Variants in CUBN observed in about 807,000 individuals in gnomAD.
CUBN encodes the protein 460 kDa receptor.
In CUBN, 282 loss-of-function variants were observed where a neutral mutation model predicts 405.3. The observed-to-expected ratio is 0.70, with a 90% CI of 0.63 to 0.77. The LOEUF (loss-of-function observed/expected upper bound fraction) is 0.77, where lower values mean the gene tolerates loss of function less well. CUBN is among the 30% of genes least tolerant of loss of function. The pLI, the probability that CUBN is intolerant of heterozygous loss-of-function variation, is 0.00. For missense variants in CUBN, 4,514 were observed against 4,475.2 expected, an observed-to-expected ratio of 1.01 and a Z score of -0.25; for synonymous variants, 1,684 against 1,617.0, an observed-to-expected ratio of 1.04 and a Z score of -0.99.
chr10:17,008,231 C>CAT (rs1564475305), intron 28 of CUBN, among the ~76,000 whole-genome samples: 1 of 102,176 alleles, frequency 9.8e-6, no homozygotes, highest in Non-Finnish European at 2.0e-5. Flanking sequence ...AGTCCCTGCC[C>CAT]GTGTGTGGTG....
At chr10:16,955,149 T>C (rs1192102748) in intron 31 of CUBN, among the ~76,000 whole-genome samples, 1 of 151,920 alleles carries the variant, frequency 6.6e-6, no homozygotes, top group Non-Finnish European at 1.5e-5. Context: ...GGCGGGTGGA[T>C]CACCTGAGGT....
intron 10 of CUBN, among the ~76,000 whole-genome samples, chr10:17,106,402 G>C (rs939484596): frequency 5.3e-5 from 8 of 151,832 alleles, no homozygotes; most frequent in African/African-American, 1.7e-4. Flanking sequence ...AGGAGTTTGA[G>C]ACCAGCCTGG....
intron 31 of CUBN, among the ~76,000 whole-genome samples, chr10:16,981,760 C>G (rs1030437557): frequency 6.6e-6 from 1 of 152,140 alleles, no homozygotes; most frequent in Non-Finnish European, 1.5e-5. Flanking sequence ...GGCAGCCAAG[C>G]AAATAAGCCA....
intron 27 of CUBN, chr10:17,023,558 C>T: frequency 2.2e-6 from 1 of 455,170 alleles, no homozygotes; most frequent in Non-Finnish European, 4.4e-6. Context: ...TACAGGTTAC[C>T]ATGGAAAGCC....
At position 17,068,212 on chromosome 10, in the gene CUBN, G is replaced by T. The variant is rs766733151; in HGVS notation, c.2860C>A (p.His954Asn). 1.9e-6 allele frequency: 3 copies of T among 1,613,728 alleles called. No homozygotes were observed. Among genetic ancestry groups the T allele is most frequent in the Non-Finnish European group, 2.5e-6 (3 of 1,179,704 alleles). ...QSPGHPNVYP[H>N]GINCTWHILV... ...ATATGCCAAGTACAGTTGATACCGT[G>T]GGGGTAGACATTTGGATGGCCAGGA... Residue 954 changes from histidine to asparagine, a missense_variant, in exon 21 of 67, where the codon CAC (histidine) becomes AAC (asparagine). By Grantham distance (68) the His-to-Asn change is moderately conservative. Transcript: ENST00000377833.
chr10:16,939,203 A>C, intron 37 of CUBN, 56 bp from the exon 38 acceptor site: 1 of 1,416,244 alleles, frequency 7.1e-7, no homozygotes, highest in Non-Finnish European at 1.0e-6. Flanking sequence ...TCTTTAATCA[A>C]ATGAAAAAAA....
At chr10:17,087,359 A>G (rs1347307274) in intron 15 of CUBN, among the ~76,000 whole-genome samples, 2 of 151,464 alleles carry the variant, frequency 1.3e-5, no homozygotes, top group Non-Finnish European at 2.9e-5. Context: ...TTAATCTTTT[A>G]CTAATGGGTA....
At chr10:17,125,423 G>A (rs7916688) in intron 4 of CUBN, among the ~76,000 whole-genome samples, 68,412 of 152,022 alleles carry the variant, frequency 0.45, 20,029 homozygotes, top group African/African-American at 0.84. Flanking sequence ...ATGACCACAC[G>A]TCTGGGGGTC....
chr10:16,891,189 C>CA (rs1840993154), intron 54 of CUBN, among the ~76,000 whole-genome samples: 1 of 151,856 alleles, frequency 6.6e-6, no homozygotes, highest in Admixed American at 6.6e-5. Flanking sequence ...TATACTCATG[C>CA]AAAAAACAGT....
intron 27 of CUBN, among the ~76,000 whole-genome samples, chr10:17,026,661 G>T (rs1834674858): frequency 6.6e-6 from 1 of 151,728 alleles, no homozygotes; most frequent in Admixed American, 6.6e-5. Flanking sequence ...TAAATAATAA[G>T]AATCACAGAG....
intron 6 of CUBN, among the ~76,000 whole-genome samples, chr10:17,119,232 T>C (rs1370346097): frequency 6.6e-6 from 1 of 152,216 alleles, no homozygotes; most frequent in African/African-American, 2.4e-5. Flanking sequence ...TTACTAATCA[T>C]CATGTTTCTG....
intron 40 of CUBN, among the ~76,000 whole-genome samples, chr10:16,929,056 A>G (rs1219880074): frequency 6.6e-6 from 1 of 151,916 alleles, no homozygotes; most frequent in African/African-American, 2.4e-5. Flanking sequence ...ATGTTACAAT[A>G]TCATTCACCA....
intron 27 of CUBN, among the ~76,000 whole-genome samples, chr10:17,036,852 A>G (rs1055831643): frequency 3.3e-5 from 5 of 152,150 alleles, no homozygotes; most frequent in African/African-American, 7.2e-5. Context: ...GGCAGCAGGA[A>G]CACTTCCCCA....
At chr10:17,002,246 A>C (rs1021936381) in intron 28 of CUBN, among the ~76,000 whole-genome samples, 6 of 152,186 alleles carry the variant, frequency 3.9e-5, no homozygotes, top group African/African-American at 1.4e-4. Context: ...AACTGAAAAA[A>C]AAAAGTGTGG....
intron 28 of CUBN, among the ~76,000 whole-genome samples, chr10:17,007,090 A>G (rs1045972842): frequency 6.6e-6 from 1 of 152,110 alleles, no homozygotes; most frequent in Non-Finnish European, 1.5e-5. Context: ...GGGAGCAACG[A>G]CCAGAAGAGG....
intron 64 of CUBN, among the ~76,000 whole-genome samples, chr10:16,832,248 C>G (rs1313675104): frequency 6.6e-6 from 1 of 152,252 alleles, no homozygotes. Context: ...TTGGAACCAG[C>G]CTGACATGCG....
chr10:17,090,783 A>G (rs1353740088), intron 14 of CUBN, among the ~76,000 whole-genome samples: 1 of 148,812 alleles, frequency 6.7e-6, no homozygotes, highest in Non-Finnish European at 1.5e-5. Context: ...GTCATTGGGA[A>G]CCAGGATTTT....
intron 22 of CUBN, among the ~76,000 whole-genome samples, chr10:17,048,184 C>A (rs1835182983): frequency 6.6e-6 from 1 of 152,216 alleles, no homozygotes; most frequent in East Asian, 1.9e-4. Flanking sequence ...CTACCTTTGA[C>A]TGAAGGTTTA....
chr10:16,840,214 A>T, intron 62 of CUBN, 116 bp downstream of exon 62: 1 of 876,410 alleles, frequency 1.1e-6, no homozygotes, highest in Non-Finnish European at 1.9e-6. Flanking sequence ...CCTAAAACTT[A>T]AAGTATAATT....
Sources: allele counts gnomAD v4.1 joint callset (sites outside exome capture counted in the v4.1 genomes callset), GRCh38; gene constraint gnomAD v4.1.1; transcripts MANE v1.5; gene names NCBI Gene and HGNC (gene_info 2026-07-23, HGNC 2026-07-21).